The following FCHO2 variants were observed in gnomAD, a reference collection of about 807,000 sequenced individuals.
The protein encoded by FCHO2 is FCH and mu domain containing endocytic adaptor 2, also known as F-BAR domain only protein 2.
Under a neutral mutation model 114.1 loss-of-function variants are expected in FCHO2, and 43 were observed. The observed-to-expected ratio is 0.38, with a 90% CI of 0.30 to 0.49. The LOEUF is 0.49. Ranked by LOEUF, FCHO2 falls within the 20% of genes least tolerant of loss-of-function variation. The pLI is 0.97. For synonymous variants in FCHO2, 293 were observed against 315.2 expected (o/e 0.93, Z 0.75); for missense variants, 807 against 950.4 (o/e 0.85, Z 1.98).
chr5:73,026,529 CA>C (rs1362736645), intron 8 of FCHO2, among the ~76,000 whole-genome samples: 1 of 151,912 alleles, frequency 6.6e-6, no homozygotes, highest in East Asian at 1.9e-4. Context: ...AAAATGACAC[CA>C]ATTTTATTTT....
At chr5:73,046,471 C>T (rs1263011765) in intron 11 of FCHO2, among the ~76,000 whole-genome samples, 1 of 152,132 alleles carries the variant, frequency 6.6e-6, no homozygotes, top group Non-Finnish European at 1.5e-5. Context: ...TAAATTATTA[C>T]ATTGTGCATT....
chr5:72,999,734 C>T lies in FCHO2; in HGVS notation c.496-6711C>T, dbSNP rs116744572. On this transcript the variant is annotated intron_variant, in intron 5 of 25. Transcript: ENST00000430046. ...CTTAGTAGGTACTCATGTTTGTGGA[C>T]TATTGACTAAGTACTCATTTTATAT... Among the ~76,000 whole-genome samples the T allele has an allele frequency of 3.6e-3, 542 of 152,178 alleles. 5 individuals carry two copies. Among genetic ancestry groups the T allele is most frequent in the African/African-American group, 0.013 (527 of 41,528 alleles).
chr5:73,075,843 T>C (rs1448918823), intron 20 of FCHO2, among the ~76,000 whole-genome samples: 1 of 152,146 alleles, frequency 6.6e-6, no homozygotes, highest in Non-Finnish European at 1.5e-5. Context: ...GTTTGAAGTT[T>C]AAGACATCTT....
At chr5:73,069,390 C>A (rs1053449809) in intron 19 of FCHO2, among the ~76,000 whole-genome samples, 1 of 152,004 alleles carries the variant, frequency 6.6e-6, no homozygotes, top group East Asian at 1.9e-4. Context: ...ATATAACTCA[C>A]CATAGTGTAG....
intron 2 of FCHO2, among the ~76,000 whole-genome samples, chr5:72,980,986 A>G (rs1013012855): frequency 6.6e-6 from 1 of 152,108 alleles, no homozygotes; most frequent in African/African-American, 2.4e-5. Context: ...TCCTGTCATT[A>G]TGATGCTAGC....
In FCHO2 at chr5:73,057,048, G is replaced by A. The variant is rs140129858; in HGVS notation, c.1253+941G>A. Among the ~76,000 whole-genome samples, 5 of 151,902 alleles carry A rather than the reference G, an allele frequency of 3.3e-5. No homozygotes were observed. The East Asian group carries it at 5.8e-4, about 18-fold the overall frequency. On this transcript the variant is annotated intron_variant, in intron 16 of 25. Transcript: ENST00000430046. ...GATCATGGCTCTCTGCAGCCTCAAC[G>A]TCCCAGGCTCAAATGATCCTCCCGC... is the stretch of plus-strand genomic sequence containing the variant.
At chr5:72,996,262 C>T (rs1754090717) in intron 5 of FCHO2, among the ~76,000 whole-genome samples, 1 of 109,224 alleles carries the variant, frequency 9.2e-6, no homozygotes, top group African/African-American at 3.2e-5. Context: ...AAAAAAAAAT[C>T]CTGTTATGTA....
intron 20 of FCHO2, among the ~76,000 whole-genome samples, chr5:73,076,045 A>G (rs926754570): frequency 6.6e-6 from 1 of 152,174 alleles, no homozygotes; most frequent in Non-Finnish European, 1.5e-5. Flanking sequence ...AAACAGGAAG[A>G]TGAGAATGAT....
chr5:72,981,041 G>T (rs1344380051), intron 2 of FCHO2, among the ~76,000 whole-genome samples: 3 of 152,106 alleles, frequency 2.0e-5, no homozygotes, highest in African/African-American at 7.2e-5. Flanking sequence ...CATAATGTCG[G>T]TGGTCTTTAC....
intron 6 of FCHO2, among the ~76,000 whole-genome samples, chr5:73,010,818 G>A (rs1249601680): frequency 6.8e-6 from 1 of 147,334 alleles, no homozygotes; most frequent in Non-Finnish European, 1.5e-5. Context: ...AGAGGTTGTG[G>A]TGAGCCGAGA....
intron 5 of FCHO2, among the ~76,000 whole-genome samples, chr5:72,996,136 G>T (rs890127875): frequency 6.6e-6 from 1 of 151,328 alleles, no homozygotes; most frequent in African/African-American, 2.4e-5. Flanking sequence ...CCAGCTACTC[G>T]GGAGGCTAAG....
intron 8 of FCHO2, among the ~76,000 whole-genome samples, chr5:73,032,935 G>C (rs1175361688): frequency 6.6e-6 from 1 of 152,078 alleles, no homozygotes; most frequent in Non-Finnish European, 1.5e-5. Flanking sequence ...TGGTAATTTA[G>C]GTAGAGATTT....
chr5:73,027,330 T>G (rs1391131343), intron 8 of FCHO2, among the ~76,000 whole-genome samples: 1 of 151,768 alleles, frequency 6.6e-6, no homozygotes, highest in Non-Finnish European at 1.5e-5. Context: ...CATTTATATA[T>G]ATACATATAG....
At chr5:73,060,592 C>G (rs995808983) in intron 17 of FCHO2, among the ~76,000 whole-genome samples, 3 of 152,048 alleles carry the variant, frequency 2.0e-5, no homozygotes, top group African/African-American at 7.2e-5. Context: ...TCTCTCCCAT[C>G]TTAACATCCT....
chr5:73,060,959 A>G (rs1423155491), intron 17 of FCHO2, among the ~76,000 whole-genome samples: 1 of 151,498 alleles, frequency 6.6e-6, no homozygotes, highest in Non-Finnish European at 1.5e-5. Context: ...TTAAGTGCCA[A>G]TGTAGATTAC....
chr5:73,084,030 A>G (rs989250150), intron 24 of FCHO2, among the ~76,000 whole-genome samples: 1 of 152,058 alleles, frequency 6.6e-6, no homozygotes, highest in South Asian at 2.1e-4. Flanking sequence ...GAAGCAAGTT[A>G]TGCTTCTCTC....
At chr5:73,027,881 A>T (rs6877485) in intron 8 of FCHO2, among the ~76,000 whole-genome samples, 35,301 of 152,052 alleles carry the variant, frequency 0.23, 4,414 homozygotes, top group East Asian at 0.44. Flanking sequence ...TAGACACTTA[A>T]TAGAGTGATA....
intron 19 of FCHO2, among the ~76,000 whole-genome samples, chr5:73,070,565 GTT>G (rs1329656282): frequency 5.3e-5 from 7 of 133,322 alleles, no homozygotes; most frequent in African/African-American, 1.6e-4. Context: ...TTCGCTTTAG[GTT>G]TTTTTTTTTT....
intron 13 of FCHO2, 116 bp downstream of exon 13, chr5:73,052,623 G>C (rs1468801621): frequency 2.4e-6 from 2 of 844,462 alleles, no homozygotes; most frequent in Non-Finnish European, 3.5e-6. Context: ...GAAATACTTA[G>C]TTTATAATTT....
Sources: gnomAD v4.1 joint callset for allele counts (sites outside exome capture counted in the v4.1 genomes callset) on GRCh38, gnomAD v4.1.1 for gene constraint, MANE v1.5 for transcripts, NCBI Gene and HGNC (gene_info 2026-07-23, HGNC 2026-07-21) for gene names.